The following GPC5 variants were observed in gnomAD, a reference collection of about 807,000 sequenced individuals.
GPC5 encodes the protein glypican 5, also known as glypican-5.
GPC5 carries 47 observed loss-of-function variants against 53.9 expected under a neutral mutation model. The observed-to-expected ratio is 0.87, with a 90% CI of 0.69 to 1.11. GPC5 has a LOEUF of 1.11. Ranked by LOEUF, GPC5 falls within the 50% of genes most tolerant of loss-of-function variation. The pLI is 0.00. For missense variants in GPC5, 748 were observed against 713.1 expected (o/e 1.05, Z -0.56); for synonymous variants, 286 against 263.3 (o/e 1.09, Z -0.84).
intron 2 of GPC5, among the ~76,000 whole-genome samples, chr13:91,630,960 C>A (rs2034143334): frequency 6.6e-6 from 1 of 152,118 alleles, no homozygotes; most frequent in Non-Finnish European, 1.5e-5. Flanking sequence ...GGTCCAACAT[C>A]TGTTTTTTAA....
At chr13:91,503,817 A>AATAATAATCATCATC (rs1555316221) in intron 2 of GPC5, among the ~76,000 whole-genome samples, 24 of 147,420 alleles carry the variant, frequency 1.6e-4, no homozygotes, top group African/African-American at 5.0e-4. Context: ...TAATAATAAT[A>AATAATAATCATCATC]ATCAGGCTGT....
intron 7 of GPC5, among the ~76,000 whole-genome samples, chr13:92,319,045 A>G (rs887249954): frequency 5.3e-5 from 8 of 152,148 alleles, no homozygotes; most frequent in African/African-American, 1.9e-4. Flanking sequence ...CTTAAACATT[A>G]TCTGCAAGGT....
intron 7 of GPC5, among the ~76,000 whole-genome samples, chr13:92,509,134 G>T (rs1026030655): frequency 1.3e-5 from 2 of 152,178 alleles, no homozygotes; most frequent in African/African-American, 4.8e-5. Flanking sequence ...TTGATGTGAA[G>T]AATTCCATGG....
chr13:92,143,152 A>C (rs1005965408), intron 6 of GPC5, among the ~76,000 whole-genome samples: 2 of 152,158 alleles, frequency 1.3e-5, no homozygotes, highest in Non-Finnish European at 2.9e-5. Flanking sequence ...TTTATTCAGT[A>C]ACTTACTCAA....
chr13:91,847,666 A>G (rs550822619), intron 5 of GPC5, among the ~76,000 whole-genome samples: 2 of 152,314 alleles, frequency 1.3e-5, no homozygotes, highest in African/African-American at 4.8e-5. Context: ...TGTATTTAGT[A>G]AATATTACAG....
intron 7 of GPC5, among the ~76,000 whole-genome samples, chr13:92,812,218 C>T (rs1050656988): frequency 6.6e-6 from 1 of 151,912 alleles, no homozygotes; most frequent in Admixed American, 6.6e-5. Context: ...GTCAGGAGCA[C>T]AAGTTTTCTT....
chr13:91,863,058 C>T (rs1318520046), intron 5 of GPC5, among the ~76,000 whole-genome samples: 3 of 148,946 alleles, frequency 2.0e-5, no homozygotes, highest in African/African-American at 4.9e-5. Context: ...CCCTCCCCTT[C>T]CTTCTCCTTT....
chr13:92,085,746 T>C (rs1478750553), intron 6 of GPC5, among the ~76,000 whole-genome samples: 5 of 152,176 alleles, frequency 3.3e-5, no homozygotes, highest in Non-Finnish European at 2.9e-5. Flanking sequence ...TTATCAGGCA[T>C]TAGATTATCA....
chr13:92,033,907 G>A (rs1041692123), intron 6 of GPC5, among the ~76,000 whole-genome samples: 6 of 152,036 alleles, frequency 3.9e-5, no homozygotes, highest in South Asian at 2.1e-4. Flanking sequence ...TGTGACCACC[G>A]GCCTTAATTT....
At chr13:91,487,740 C>T (rs1443474533) in intron 2 of GPC5, among the ~76,000 whole-genome samples, 2 of 152,094 alleles carry the variant, frequency 1.3e-5, no homozygotes, top group Admixed American at 6.6e-5. Context: ...TCTACTTCTC[C>T]TTTATAGATC....
intron 6 of GPC5, among the ~76,000 whole-genome samples, chr13:91,940,056 C>A (rs2039910687): frequency 6.6e-6 from 1 of 152,058 alleles, no homozygotes; most frequent in South Asian, 2.1e-4. Context: ...TTCTCAACTC[C>A]CCTATTCTAT....
intron 7 of GPC5, among the ~76,000 whole-genome samples, chr13:92,723,897 G>A (rs192357820): frequency 2.2e-4 from 34 of 151,532 alleles, no homozygotes; most frequent in Admixed American, 2.1e-3. Flanking sequence ...GAGTACTTTG[G>A]AAAAAATCTA....
At chr13:92,203,781 G>GA (rs1317116637) in intron 7 of GPC5, among the ~76,000 whole-genome samples, 1 of 147,120 alleles carries the variant, frequency 6.8e-6, no homozygotes, top group Non-Finnish European at 1.5e-5. Flanking sequence ...GCAACAGAAG[G>GA]AAAATCTCGA....
At chr13:92,184,090 G>T (rs1003325696) in intron 7 of GPC5, among the ~76,000 whole-genome samples, 4 of 151,500 alleles carry the variant, frequency 2.6e-5, no homozygotes, top group African/African-American at 7.3e-5. Context: ...TTTATTTTAT[G>T]TGCTGTCTTT....
chr13:92,255,641 T>C (rs538524854), intron 7 of GPC5, among the ~76,000 whole-genome samples: 7 of 152,150 alleles, frequency 4.6e-5, no homozygotes, highest in Non-Finnish European at 1.0e-4. Context: ...GATGTTTCCT[T>C]TATGCAATCA....
intron 6 of GPC5, among the ~76,000 whole-genome samples, chr13:92,077,450 C>G (rs1173882353): frequency 6.6e-6 from 1 of 152,170 alleles, no homozygotes; most frequent in Non-Finnish European, 1.5e-5. Context: ...TAATTCCTAA[C>G]AGGGGATGCT....
intron 7 of GPC5, among the ~76,000 whole-genome samples, chr13:92,613,529 A>G (rs1461024879): frequency 1.4e-5 from 1 of 71,482 alleles, no homozygotes; most frequent in Non-Finnish European, 2.8e-5. Context: ...TATATAATTT[A>G]TATATAAAAT....
At chr13:91,725,583 A>G (rs1217080287) in intron 3 of GPC5, among the ~76,000 whole-genome samples, 5 of 152,184 alleles carry the variant, frequency 3.3e-5, no homozygotes, top group African/African-American at 7.2e-5. Flanking sequence ...ATATGCTTTT[A>G]TCTTTGGATA....
At chr13:92,207,254 C>A (rs903905955) in intron 7 of GPC5, among the ~76,000 whole-genome samples, 1 of 152,114 alleles carries the variant, frequency 6.6e-6, no homozygotes, top group Non-Finnish European at 1.5e-5. Flanking sequence ...CTAGAAAATA[C>A]AGCTCCATTC....
Sources: gnomAD v4.1 joint callset for allele counts (sites outside exome capture counted in the v4.1 genomes callset) on GRCh38, gnomAD v4.1.1 for gene constraint, MANE v1.5 for transcripts, NCBI Gene and HGNC (gene_info 2026-07-23, HGNC 2026-07-21) for gene names.